MYT1L: variants seen among roughly 807,000 people sequenced by gnomAD.
MYT1L encodes myelin transcription factor 1 like.
A neutral mutation model predicts 126.7 loss-of-function variants in MYT1L; 12 were observed. The ratio of observed to expected loss-of-function variants is 0.09; its 90% confidence interval spans 0.06 to 0.15. The LOEUF is 0.15. Among genes scored for constraint, MYT1L ranks in the 10% least tolerant of loss-of-function variants. The pLI is 1.00. For synonymous variants in MYT1L, 541 were observed against 604.2 expected (o/e 0.90, Z 1.53); for missense variants, 979 against 1,585.2 (o/e 0.62, Z 6.49).
intron 2 of MYT1L, among the ~76,000 whole-genome samples, chr2:2,276,363 T>G (rs2095358973): frequency 6.6e-6 from 1 of 152,234 alleles, no homozygotes; most frequent in Non-Finnish European, 1.5e-5. Flanking sequence ...AGTTTCTCGA[T>G]TCTGCCTATC....
chr2:2,319,352 A>G lies in MYT1L; in HGVS notation c.-521+11615T>C, dbSNP rs2096121597. 1.3e-5 allele frequency: 2 copies of G among 152,048 alleles called. 1 individual carries two copies. The highest frequency in any genetic ancestry group is 1.3e-4 in the Admixed American group (2 of 15,280). The allele number at this position is 152,048 out of a possible 1,614,324, so 9.4% of individuals were successfully genotyped here. The stretch of plus-strand genomic sequence containing the variant: ...CAGTTACCAACACTTTCCTCCAAAC[A>G]GCATTCTGTTTACTGTTTCATGTAT... On this transcript the variant is annotated intron_variant, in intron 1 of 24. Coordinates refer to ENST00000647738, the MANE Select transcript of MYT1L (RefSeq NM_001303052.2).
At chr2:2,304,805 G>A (rs147353888) in intron 1 of MYT1L, among the ~76,000 whole-genome samples, 1,782 of 152,204 alleles carry the variant, frequency 0.012, 20 homozygotes, top group Non-Finnish European at 0.017. Flanking sequence ...TATTTATATG[G>A]GTACCCTCTA....
chr2:2,066,121 A>C (rs548284130), intron 3 of MYT1L, among the ~76,000 whole-genome samples: 1 of 152,298 alleles, frequency 6.6e-6, no homozygotes, highest in Admixed American at 6.5e-5. Flanking sequence ...GTGATCTATA[A>C]TCTTTAAATA....
chr2:2,058,592 CA>C lies in MYT1L; in HGVS notation c.-303-4470del, dbSNP rs571661869. Reference sequence around the variant, plus strand: ...AGAGTCTAGAATTGTGCCTGGCACACACTAATGATCAACAAATTTATGCTGA... The same window carrying C: ...AGAGTCTAGAATTGTGCCTGGCACACCTAATGATCAACAAATTTATGCTGA... On this transcript the variant is annotated intron_variant, in intron 3 of 24. Coordinates refer to ENST00000647738, the MANE Select transcript of MYT1L (RefSeq NM_001303052.2). Among the ~76,000 whole-genome samples, 47 of 152,286 alleles carry C rather than the reference CA, an allele frequency of 3.1e-4. No homozygotes were observed. In the East Asian group the frequency reaches 8.9e-3, roughly 29 times the overall value.
chr2:2,033,738 C>T (rs944080881), intron 4 of MYT1L, among the ~76,000 whole-genome samples: 1 of 152,232 alleles, frequency 6.6e-6, no homozygotes, highest in East Asian at 1.9e-4. Flanking sequence ...ATTGGCAATC[C>T]CCAGCTGTTT....
chr2:2,270,529 G>C (rs1348877363), intron 2 of MYT1L, among the ~76,000 whole-genome samples: 1 of 152,012 alleles, frequency 6.6e-6, no homozygotes, highest in African/African-American at 2.4e-5. Flanking sequence ...TTCCACTTGA[G>C]ATTTGCCCCC....
chr2:2,210,845 C>A (rs929068701), intron 2 of MYT1L, among the ~76,000 whole-genome samples: 2 of 152,088 alleles, frequency 1.3e-5, no homozygotes, highest in East Asian at 1.9e-4. Flanking sequence ...AATATTGATT[C>A]TTCCAATCCA....
At chr2:2,090,945 C>T (rs2076855922) in intron 3 of MYT1L, among the ~76,000 whole-genome samples, 1 of 152,220 alleles carries the variant, frequency 6.6e-6, no homozygotes, top group Non-Finnish European at 1.5e-5. Flanking sequence ...AATTCAGTCG[C>T]ATCTTTAAAC....
rs551570726 is a variant in MYT1L at position 1,817,651 on chromosome 2, G to A, written c.3081-8484C>T. Among the ~76,000 whole-genome samples, 34 of 152,262 alleles carry A rather than the reference G, an allele frequency of 2.2e-4. No homozygotes were observed. The South Asian group carries it at 5.4e-3, about 24-fold the overall frequency. On this transcript the variant is annotated intron_variant, in intron 21 of 24. Coordinates refer to ENST00000647738, the MANE Select transcript of MYT1L (RefSeq NM_001303052.2). ...AGAACCCTGGGAGCAGGCCCAGCGCGGCCCTGGGGGGTGGTGGCGGCCCTG... is the reference window on the plus strand; with the variant it reads ...AGAACCCTGGGAGCAGGCCCAGCGCAGCCCTGGGGGGTGGTGGCGGCCCTG...
chr2:1,905,629 C>A (rs1296917779), intron 13 of MYT1L, among the ~76,000 whole-genome samples: 4 of 152,184 alleles, frequency 2.6e-5, no homozygotes, highest in Non-Finnish European at 5.9e-5. Flanking sequence ...GCTGGGATTA[C>A]AGGCGCCAGC....
At chr2:2,325,096 T>G (rs2096228510) in intron 1 of MYT1L, 2 of 152,430 alleles carry the variant, frequency 1.3e-5, no homozygotes, top group Admixed American at 6.5e-5. Flanking sequence ...AGGCAATATA[T>G]CTAAAAATAT....
At chr2:2,242,535 A>C (rs2094459036) in intron 2 of MYT1L, among the ~76,000 whole-genome samples, 1 of 152,210 alleles carries the variant, frequency 6.6e-6, no homozygotes, top group Non-Finnish European at 1.5e-5. Context: ...CTCTATCAAC[A>C]AACATTGCAA....
Position 2,295,917 on chromosome 2 carries a change from TAG to T in MYT1L, c.-520-11416_-520-11415del, listed in dbSNP as rs570536864. Among the ~76,000 whole-genome samples, 443 of 107,500 alleles carry T rather than the reference TAG, an allele frequency of 4.1e-3. 2 individuals carry two copies. The highest frequency in any genetic ancestry group is 0.016 in the African/African-American group (422 of 27,156). The allele number at this position is 107,500 out of a possible 152,430, so 70.5% of individuals were successfully genotyped here. A position where few individuals can be genotyped will look rare whatever the true frequency, so the allele number is the denominator to read the frequency against. On this transcript the variant is annotated intron_variant, in intron 1 of 24. Coordinates refer to ENST00000647738, the MANE Select transcript of MYT1L (RefSeq NM_001303052.2). ...AGAGAAAGAGAGAGAATAATAAAGCTAGAGAGAGAGAGGTTGGGGGGGAGGAG... is the reference window on the plus strand; with the variant it reads ...AGAGAAAGAGAGAGAATAATAAAGCTAGAGAGAGAGGTTGGGGGGGAGGAG...
At position 1,848,327 on chromosome 2, in the gene MYT1L, C is replaced by CTA. The variant is rs200012128; in HGVS notation, c.2774+3313_2774+3314insTA. ...TGTCCTGGGAGCAGGAGGAAGAATTCCAGACACCACGGAAGCGCGAGGCGT... is the reference window on the plus strand; with the variant it reads ...TGTCCTGGGAGCAGGAGGAAGAATTCTACAGACACCACGGAAGCGCGAGGCGT... On this transcript the variant is annotated intron_variant, in intron 19 of 24. Transcript: ENST00000647738. The surrounding 1 kb of genome is among the most constrained non-coding windows in gnomAD (Gnocchi z 4.8). Among the ~76,000 whole-genome samples the CTA allele has an allele frequency of 6.0e-5, 3 of 50,056 alleles. No homozygotes were observed. The highest frequency in any genetic ancestry group is 4.2e-4 in the African/African-American group (3 of 7,114). 32.8% of individuals were successfully genotyped at this position (50,056 alleles called of 152,430 possible).
At chr2:2,328,982 C>G (rs2096268446) in intron 1 of MYT1L, among the ~76,000 whole-genome samples, 1 of 152,188 alleles carries the variant, frequency 6.6e-6, no homozygotes, top group African/African-American at 2.4e-5. Context: ...TGAAAGTGAG[C>G]CATTTTCACA....
In MYT1L at chr2:1,892,193, G is replaced by A; in HGVS notation, c.2127C>T (p.Ser709=). The A allele has an allele frequency of 1.3e-6, 2 of 1,549,444 alleles. No homozygotes were observed. Among genetic ancestry groups the A allele is most frequent in the South Asian group, 1.2e-5 (1 of 84,032 alleles). The part of the protein sequence containing the change: ...SSSNLSCGGG[S]SASSTCSKSS... ...TCTTGCTGCACGTGCTGCTGGCGCTGCTGCCCCCGCCGCAGCTCAGGTTGC... is the reference window on the plus strand; with the variant it reads ...TCTTGCTGCACGTGCTGCTGGCGCTACTGCCCCCGCCGCAGCTCAGGTTGC... Residue 709 remains serine (S), a synonymous_variant, in exon 15 of 25, where the codon AGC becomes AGT. Coordinates refer to ENST00000647738, the MANE Select transcript of MYT1L (RefSeq NM_001303052.2).
At chr2:2,231,320 A>T (rs1026097967) in intron 2 of MYT1L, among the ~76,000 whole-genome samples, 1 of 152,210 alleles carries the variant, frequency 6.6e-6, no homozygotes, top group Non-Finnish European at 1.5e-5. Context: ...CTAATTAACA[A>T]AGATTTGTAG....
At chr2:1,807,071 G>C (rs1308884148) in intron 22 of MYT1L, among the ~76,000 whole-genome samples, 1 of 152,214 alleles carries the variant, frequency 6.6e-6, no homozygotes, top group Admixed American at 6.5e-5. Flanking sequence ...GAGAGGTTGT[G>C]AGGGTGGGTC....
In MYT1L at chr2:2,103,511, A is replaced by G. The variant is rs73911354; in HGVS notation, c.-303-49388T>C. Among the ~76,000 whole-genome samples the G allele has an allele frequency of 8.5e-3, 1,289 of 152,348 alleles. 18 individuals carry two copies. The highest frequency in any genetic ancestry group is 0.026 in the African/African-American group (1,074 of 41,590). On this transcript the variant is annotated intron_variant, in intron 3 of 24. Transcript: ENST00000647738. ...GCGGCCATTCAACAACAGCTTGGCC[A>G]TCGGCCAGCGAGAGTGCAGAGATGC... is the stretch of plus-strand genomic sequence containing the variant.
Sources: allele counts gnomAD v4.1 joint callset (sites outside exome capture counted in the v4.1 genomes callset), GRCh38; gene constraint gnomAD v4.1.1; non-coding constraint Gnocchi (gnomAD v3.1); transcripts MANE v1.5; gene names NCBI Gene and HGNC (gene_info 2026-07-23, HGNC 2026-07-21).